Variants in CNOT1 observed in about 807,000 individuals in gnomAD.
CNOT1 encodes CCR4-associated factor 1.
Under a neutral mutation model 273.8 loss-of-function variants are expected in CNOT1, and 15 were observed. The observed-to-expected ratio is 0.05, with a 90% CI of 0.04 to 0.08. The LOEUF is 0.08. CNOT1 is among the 10% of genes least tolerant of loss of function. The probability of loss-of-function intolerance (pLI) is 1.00; values close to 1 mark genes in which losing one functional copy is unlikely to be tolerated. For missense variants in CNOT1, 1,644 were observed against 2,912.2 expected, an observed-to-expected ratio of 0.56 and a Z score of 10.02; for synonymous variants, 1,022 against 1,005.5, an observed-to-expected ratio of 1.02 and a Z score of -0.31.
intron 46 of CNOT1, 40 bp downstream of exon 46, chr16:58,525,137 GCA>G (rs766866565): frequency 8.9e-6 from 14 of 1,579,616 alleles, no homozygotes; most frequent in South Asian, 5.5e-5. Context: ...GTAGCAAAAA[GCA>G]CAGAGAACTC....
At chr16:58,595,303 T>C (rs2042214437) in intron 2 of CNOT1, among the ~76,000 whole-genome samples, 1 of 151,798 alleles carries the variant, frequency 6.6e-6, no homozygotes, top group Admixed American at 6.6e-5. Flanking sequence ...ATCTACCATA[T>C]TGTTCCCCGC....
At chr16:58,607,941 G>A (rs2042747123) in intron 1 of CNOT1, among the ~76,000 whole-genome samples, 1 of 151,886 alleles carries the variant, frequency 6.6e-6, no homozygotes, top group African/African-American at 2.4e-5. Flanking sequence ...GGAGGGTGAG[G>A]CGGGCAGATC....
At position 58,582,775 on chromosome 16, in the gene CNOT1, A is replaced by T. The variant is rs1264752487; in HGVS notation, c.1044+18T>A. Reference sequence around the variant, plus strand: ...ATTCAAATACCACAAATCAAAAATCATCATCACATATACTCACCAGTTCTT... The same window carrying T: ...ATTCAAATACCACAAATCAAAAATCTTCATCACATATACTCACCAGTTCTT... On this transcript the variant is annotated intron_variant, in intron 10 of 48. Coordinates refer to ENST00000317147, the MANE Select transcript of CNOT1 (RefSeq NM_016284.5). 8 of 1,271,170 alleles carry T rather than the reference A, an allele frequency of 6.3e-6. No individual in the cohort carries two copies. The highest frequency in any genetic ancestry group is 9.2e-6 in the Non-Finnish European group (8 of 868,922). The allele number at this position is 1,271,170 out of a possible 1,614,324, so 78.7% of individuals were successfully genotyped here.
chr16:58,556,141 T>C (rs1399945468), intron 19 of CNOT1, among the ~76,000 whole-genome samples: 1 of 152,226 alleles, frequency 6.6e-6, no homozygotes, highest in African/African-American at 2.4e-5. Flanking sequence ...TCAGGACTTA[T>C]TAACACAAAA....
chr16:58,581,464 A>G lies in CNOT1; in HGVS notation c.1096T>C (p.Phe366Leu). 1 of 1,614,060 alleles carries G rather than the reference A, an allele frequency of 6.2e-7. No homozygotes were observed. Among genetic ancestry groups the G allele is most frequent in the Non-Finnish European group, 8.5e-7 (1 of 1,179,988 alleles). Residue 366 changes from phenylalanine to leucine, a missense_variant, in exon 11 of 49, where the codon TTT (phenylalanine) becomes CTT (leucine). Around this residue, in one of 13 missense-constraint regions of CNOT1, gnomAD observed 706 missense variants for 1,021.2 expected, o/e 0.69. Coordinates refer to ENST00000317147, the MANE Select transcript of CNOT1 (RefSeq NM_016284.5). ...EVTYELDHPG[F>L]QIRDSKGLHN... ...AGTCCTTTACTGTCACGAATTTGAA[A>G]TCCAGGATGGTCCAGTTCATAAGTT...
chr16:58,539,905 G>A lies in CNOT1; in HGVS notation c.4855C>T (p.Leu1619=), dbSNP rs747813534. The A allele has an allele frequency of 1.2e-6, 2 of 1,614,166 alleles. No homozygotes were observed. Among genetic ancestry groups the A allele is most frequent in the South Asian group, 1.1e-5 (1 of 91,086 alleles). ...GGGATGGCATGTAGATGTTGCTCCA[G>A]TTCTGTAATACACTTATCATAAATC... The part of the protein sequence containing the change: ...AQIYDKCITE[L]EQHLHAIPPT... The change falls in exon 35 of 49, where the codon CTG becomes TTG. Residue 1619 remains leucine, a synonymous_variant. Coordinates refer to ENST00000317147, the MANE Select transcript of CNOT1 (RefSeq NM_016284.5).
chr16:58,598,853 T>A (rs1597561114), intron 2 of CNOT1, among the ~76,000 whole-genome samples: 1 of 149,904 alleles, frequency 6.7e-6, no homozygotes, highest in Admixed American at 6.7e-5. Context: ...AGGTTGGGAG[T>A]TTTAGACCAG....
intron 1 of CNOT1, among the ~76,000 whole-genome samples, chr16:58,601,741 A>AAAAAAAAAAAAAG (rs2042473306): frequency 6.7e-6 from 1 of 149,390 alleles, no homozygotes; most frequent in African/African-American, 2.4e-5. Flanking sequence ...CCTTAAAAAA[A>AAAAAAAAAAAAAG]AAAAAAAAAA....
intron 31 of CNOT1, 138 bp downstream of exon 31, chr16:58,543,469 G>A (rs1471608099): frequency 6.6e-7 from 1 of 1,504,222 alleles, no homozygotes; most frequent in Non-Finnish European, 8.9e-7. Flanking sequence ...AATCTAAAAT[G>A]ATGGAAGACA....
At position 58,532,355 on chromosome 16, in the gene CNOT1, T is replaced by A; in HGVS notation, c.5936A>T (p.Asp1979Val). The A allele has an allele frequency of 6.2e-7, 1 of 1,614,148 alleles. No homozygotes were observed. Among genetic ancestry groups the A allele is most frequent in the South Asian group, 1.1e-5 (1 of 91,086 alleles). ...IVVGVLLQDH[D>V]VRQSEFQQLP... ...TTGCTGAAATTCACTCTGACGAACA[T>A]CATGATCCTGAAGGAGAACTCCCAC... The change falls in exon 41 of 49, where the codon GAT (aspartate) becomes GTT (valine). Residue 1979 changes from aspartate (D) to valine (V), a missense_variant. Physicochemically the swap from Asp to Val is radical, Grantham distance 152. Transcript: ENST00000317147.
At position 58,525,184 on chromosome 16, in the gene CNOT1, G is replaced by A; in HGVS notation, c.6779C>T (p.Thr2260Ile). The A allele has an allele frequency of 3.1e-6, 5 of 1,613,206 alleles. No homozygotes were observed. The highest frequency in any genetic ancestry group is 4.2e-6 in the Non-Finnish European group (5 of 1,179,988). The change falls in exon 46 of 49, where the codon ACT becomes ATT. Residue 2260 changes from threonine to isoleucine, a missense_variant. This residue lies in a region of CNOT1 where 140 missense variants were observed against 324.6 expected (regional missense o/e 0.43). Transcript: ENST00000317147. ...AACTGGCAGGCTTCACTCACCCTCA[G>A]TGTCCAAGTCCACAGCCAAATTCTG... ...IFQNLAVDLD[T>I]EGRYLFLNAI...
intron 16 of CNOT1, among the ~76,000 whole-genome samples, chr16:58,562,809 C>A (rs577324657): frequency 4.5e-4 from 68 of 152,040 alleles, no homozygotes; most frequent in African/African-American, 1.2e-3. Flanking sequence ...GGTGACAGTG[C>A]GAGACTCCAT....
chr16:58,627,696 G>A (rs916212239), intron 1 of CNOT1, among the ~76,000 whole-genome samples: 6 of 151,826 alleles, frequency 4.0e-5, no homozygotes, highest in Non-Finnish European at 8.8e-5. Context: ...TGTTAAGCTG[G>A]GAACCAAAAA....
intron 20 of CNOT1, 102 bp downstream of exon 20, chr16:58,555,682 C>T: frequency 6.4e-7 from 1 of 1,568,992 alleles, no homozygotes; most frequent in Non-Finnish European, 8.6e-7. Context: ...ACACAAACCG[C>T]TATATCAGGG....
chr16:58,540,103 C>T, intron 34 of CNOT1, 144 bp from the exon 35 acceptor site: 4 of 773,848 alleles, frequency 5.2e-6, no homozygotes, highest in Non-Finnish European at 6.0e-6. Flanking sequence ...TCTTCTTTTC[C>T]TTCTTCCTGA....
At chr16:58,533,780 G>A (rs756201868) in intron 40 of CNOT1, among the ~76,000 whole-genome samples, 2 of 152,152 alleles carry the variant, frequency 1.3e-5, no homozygotes, top group Non-Finnish European at 2.9e-5. Flanking sequence ...AGCCGAGATT[G>A]CACCACTGCA....
At chr16:58,558,176 C>T (rs1597455552) in intron 18 of CNOT1, among the ~76,000 whole-genome samples, 1 of 152,048 alleles carries the variant, frequency 6.6e-6, no homozygotes, top group African/African-American at 2.4e-5. Context: ...TGATCTAAGC[C>T]CTTTAGAATG....
chr16:58,620,691 T>C (rs537368705), intron 1 of CNOT1, among the ~76,000 whole-genome samples: 3 of 123,506 alleles, frequency 2.4e-5, no homozygotes, highest in African/African-American at 6.6e-5. Context: ...GACAAAGATA[T>C]ATTTGGGTAC....
At chr16:58,549,055 G>A (rs1442887477) in intron 25 of CNOT1, among the ~76,000 whole-genome samples, 2 of 152,168 alleles carry the variant, frequency 1.3e-5, no homozygotes, top group Non-Finnish European at 2.9e-5. Flanking sequence ...CTGGGAGGCC[G>A]AGGAGGGTGG....
Sources: gnomAD v4.1 joint callset for allele counts (sites outside exome capture counted in the v4.1 genomes callset) on GRCh38, gnomAD v4.1.1 for gene constraint, gnomAD v4.1.1 regional missense constraint, MANE v1.5 for transcripts, NCBI Gene and HGNC (gene_info 2026-07-23, HGNC 2026-07-21) for gene names.